The following UVRAG variants were observed in gnomAD, a reference collection of about 807,000 sequenced individuals.
UVRAG encodes the protein UV radiation resistance associated, also known as UV radiation resistance-associated gene protein.
In UVRAG, 19 loss-of-function variants were observed where a neutral mutation model predicts 78.0. The observed-to-expected ratio is 0.24, with a 90% CI of 0.17 to 0.36. The LOEUF (loss-of-function observed/expected upper bound fraction) is 0.36, where lower values mean the gene tolerates loss of function less well. Among genes scored for constraint, UVRAG ranks in the 10% least tolerant of loss-of-function variants. The probability of loss-of-function intolerance (pLI) is 1.00; values close to 1 mark genes in which losing one functional copy is unlikely to be tolerated. For missense variants in UVRAG, 740 were observed against 853.8 expected (o/e 0.87, Z 1.66); for synonymous variants, 323 against 324.6 (o/e 1.00, Z 0.05).
At chr11:76,000,075 G>GA (rs1949781762) in intron 8 of UVRAG, among the ~76,000 whole-genome samples, 1 of 151,894 alleles carries the variant, frequency 6.6e-6, no homozygotes, top group African/African-American at 2.4e-5. Context: ...ATGAAATACT[G>GA]AAAAATACTC....
rs574683719 is a variant in UVRAG, at chr11:75,997,024, T to C, written c.827-6981T>C. On this transcript the variant is annotated intron_variant, in intron 8 of 14. Transcript: ENST00000356136. ...CTTAGCACTAAATGCAGAGAATAATTTAGTTTCATATGTGCAATATATTAA... is the reference window on the plus strand; with the variant it reads ...CTTAGCACTAAATGCAGAGAATAATCTAGTTTCATATGTGCAATATATTAA... Among the ~76,000 whole-genome samples the C allele has an allele frequency of 2.0e-5, 3 of 152,314 alleles. No homozygotes were observed. The South Asian group carries it at 6.2e-4, about 32-fold the overall frequency.
intron 8 of UVRAG, among the ~76,000 whole-genome samples, chr11:75,992,857 A>G (rs1949640633): frequency 6.6e-6 from 1 of 152,222 alleles, no homozygotes; most frequent in African/African-American, 2.4e-5. Context: ...AACGAAGGTG[A>G]AAAAGGTATT....
chr11:75,962,999 C>A (rs903784854), intron 7 of UVRAG, among the ~76,000 whole-genome samples: 1 of 152,108 alleles, frequency 6.6e-6, no homozygotes, highest in Non-Finnish European at 1.5e-5. Context: ...GCCTAGTCAA[C>A]ACAGAAGAAA....
chr11:75,973,898 TG>T (rs1416230960), intron 7 of UVRAG, among the ~76,000 whole-genome samples: 4 of 152,244 alleles, frequency 2.6e-5, no homozygotes, highest in Admixed American at 1.3e-4. Context: ...TCCTTTTTTA[TG>T]GCTGCATAGT....
At chr11:75,909,167 G>A (rs1260924052) in intron 5 of UVRAG, among the ~76,000 whole-genome samples, 1 of 152,020 alleles carries the variant, frequency 6.6e-6, no homozygotes, top group Non-Finnish European at 1.5e-5. Context: ...TGGCAACATA[G>A]TAAGACACCC....
intron 13 of UVRAG, among the ~76,000 whole-genome samples, chr11:76,072,092 C>T (rs967979659): frequency 2.0e-5 from 3 of 151,926 alleles, no homozygotes; most frequent in Non-Finnish European, 2.9e-5. Context: ...AGGGAGAGAA[C>T]GCAGAGCTGA....
chr11:75,899,604 A>T (rs965584592), intron 5 of UVRAG, among the ~76,000 whole-genome samples: 71 of 152,308 alleles, frequency 4.7e-4, no homozygotes, highest in African/African-American at 1.7e-3. Flanking sequence ...TTGTTTTCTT[A>T]ACCGCTATGC....
intron 1 of UVRAG, among the ~76,000 whole-genome samples, chr11:75,844,311 T>A (rs1945987410): frequency 6.6e-6 from 1 of 152,064 alleles, no homozygotes; most frequent in Non-Finnish European, 1.5e-5. Flanking sequence ...CACTGCAAGT[T>A]CCGCCTCCTG....
Position 76,113,549 on chromosome 11 carries a change from A to G in UVRAG, c.1306-2375A>G, listed in dbSNP as rs1197173861. Among the ~76,000 whole-genome samples, 5 of 152,016 alleles carry G rather than the reference A, an allele frequency of 3.3e-5. No individual in the cohort carries two copies. The South Asian group carries it at 8.3e-4, about 25-fold the overall frequency. On this transcript the variant is annotated intron_variant, in intron 13 of 14. Coordinates refer to ENST00000356136, the MANE Select transcript of UVRAG (RefSeq NM_003369.4). ...GCAGAGAACTGCTTTTTTTTTCATT[A>G]TAAATCTTGTAGTGGTTTAGACTTG...
chr11:75,834,403 T>C (rs1945733659), intron 1 of UVRAG, among the ~76,000 whole-genome samples: 1 of 152,212 alleles, frequency 6.6e-6, no homozygotes, highest in Non-Finnish European at 1.5e-5. Flanking sequence ...TTGTCCCTCA[T>C]TGGTAATGTT....
chr11:75,882,677 C>T (rs1371145827), intron 4 of UVRAG, among the ~76,000 whole-genome samples: 1 of 151,996 alleles, frequency 6.6e-6, no homozygotes, highest in Non-Finnish European at 1.5e-5. Flanking sequence ...ATCCTTTGAC[C>T]AGCATCTTCC....
chr11:76,073,599 T>C (rs1269503428), intron 13 of UVRAG, among the ~76,000 whole-genome samples: 6 of 152,212 alleles, frequency 3.9e-5, no homozygotes, highest in Non-Finnish European at 5.9e-5. Context: ...ATTAAAAATA[T>C]ATATAACTCA....
intron 13 of UVRAG, among the ~76,000 whole-genome samples, chr11:76,073,462 T>C (rs1285862535): frequency 5.9e-5 from 9 of 152,202 alleles, no homozygotes; most frequent in African/African-American, 1.7e-4. Flanking sequence ...AAAATTAGAA[T>C]TCCAGATCGC....
chr11:75,837,292 A>G (rs1479322335), intron 1 of UVRAG, among the ~76,000 whole-genome samples: 2 of 143,146 alleles, frequency 1.4e-5, no homozygotes, highest in Non-Finnish European at 1.5e-5. Context: ...ACGCCACTGC[A>G]CTCCGGCCTG....
intron 13 of UVRAG, among the ~76,000 whole-genome samples, chr11:76,070,601 T>G (rs1951285674): frequency 1.3e-5 from 2 of 152,208 alleles, no homozygotes; most frequent in Admixed American, 1.3e-4. Flanking sequence ...TAAAGTTAGG[T>G]GACTTGCTTA....
chr11:75,903,676 G>T (rs1392384062), intron 5 of UVRAG, among the ~76,000 whole-genome samples: 1 of 152,152 alleles, frequency 6.6e-6, no homozygotes, highest in Non-Finnish European at 1.5e-5. Flanking sequence ...CAGAACTCCT[G>T]TAGCTTTTTA....
intron 13 of UVRAG, among the ~76,000 whole-genome samples, chr11:76,094,008 C>T (rs1467833007): frequency 6.6e-6 from 1 of 152,126 alleles, no homozygotes; most frequent in Non-Finnish European, 1.5e-5. Flanking sequence ...TCATAAATAG[C>T]TCTTATTATT....
chr11:75,830,040 A>G (rs1945619355), intron 1 of UVRAG, among the ~76,000 whole-genome samples: 1 of 151,656 alleles, frequency 6.6e-6, no homozygotes, highest in Non-Finnish European at 1.5e-5. Flanking sequence ...GGGTTTTGAC[A>G]TGTTTGCCAG....
rs78075898 is a variant in UVRAG, at chr11:75,963,598, G to A, written c.699+2049G>A. ...AGAAATCATTTTCATTTTAACCTAC[G>A]TAAAAATGCAGCAAAGAAGGCATAT... On this transcript the variant is annotated intron_variant, in intron 7 of 14. Transcript: ENST00000356136. Among the ~76,000 whole-genome samples, 756 of 152,168 alleles carry A rather than the reference G, an allele frequency of 5.0e-3. 7 individuals are homozygous for A. The highest frequency in any genetic ancestry group is 0.017 in the African/African-American group (709 of 41,524).
Sources: gnomAD v4.1 joint callset for allele counts (sites outside exome capture counted in the v4.1 genomes callset) on GRCh38, gnomAD v4.1.1 for gene constraint, MANE v1.5 for transcripts, NCBI Gene and HGNC (gene_info 2026-07-23, HGNC 2026-07-21) for gene names.